TIMM9: variants seen among roughly 807,000 people sequenced by gnomAD.
The protein encoded by TIMM9 is translocase of inner mitochondrial membrane 9.
In TIMM9, 10 loss-of-function variants were observed where a neutral mutation model predicts 13.4. The observed-to-expected ratio is 0.75, with a 90% confidence interval of 0.46 to 1.26. The LOEUF is 1.26. Among genes scored for constraint, TIMM9 ranks in the 50% most tolerant of loss-of-function variants. TIMM9 has a pLI of 0.00. For synonymous variants in TIMM9, 32 were observed against 32.1 expected (o/e 1.00, Z 0.01); for missense variants, 87 against 100.8 (o/e 0.86, Z 0.58).
At chr14:58,422,679 A>T (rs1186189579) in intron 3 of TIMM9, among the ~76,000 whole-genome samples, 1 of 152,200 alleles carries the variant, frequency 6.6e-6, no homozygotes, top group Non-Finnish European at 1.5e-5. Flanking sequence ...AAAGTAATAT[A>T]TTTATTGAGA....
At chr14:58,411,871 T>C in intron 4 of TIMM9, 36 bp downstream of exon 4, 1 of 1,606,954 alleles carries the variant, frequency 6.2e-7, no homozygotes, top group Non-Finnish European at 8.5e-7. Flanking sequence ...TTACATTTTT[T>C]TGCAAAATCT....
chr14:58,408,703 C>A lies in TIMM9; in HGVS notation c.*331G>T. 2 of 905,520 alleles carry A rather than the reference C, an allele frequency of 2.2e-6. No homozygotes were observed. Among genetic ancestry groups the A allele is most frequent in the Non-Finnish European group, 3.3e-6 (2 of 607,468 alleles). The allele number at this position is 905,520 out of a possible 1,614,324, so 56.1% of individuals were successfully genotyped here. On this transcript the variant is annotated 3_prime_UTR_variant, in exon 6 of 6. Transcript: ENST00000395159. The stretch of plus-strand genomic sequence containing the variant: ...GTAATAAAAATTTTTCTATCTCATA[C>A]ATGATCGAACACATAAGTTGCTTTA...
chr14:58,422,677 ATATT>A (rs1566754488), intron 3 of TIMM9, among the ~76,000 whole-genome samples: 1 of 152,204 alleles, frequency 6.6e-6, no homozygotes, highest in Admixed American at 6.5e-5. Context: ...TAAAAGTAAT[ATATT>A]TATTGAGAAT....
intron 3 of TIMM9, among the ~76,000 whole-genome samples, chr14:58,418,501 G>GA (rs1372784406): frequency 6.6e-6 from 1 of 151,972 alleles, no homozygotes; most frequent in Non-Finnish European, 1.5e-5. Context: ...GATTGTAAAA[G>GA]AAAAAACAAA....
intron 3 of TIMM9, among the ~76,000 whole-genome samples, chr14:58,417,372 G>A (rs2036445729): frequency 6.6e-6 from 1 of 151,652 alleles, no homozygotes; most frequent in African/African-American, 2.4e-5. Flanking sequence ...TGGGCATGGT[G>A]GCATGTCCTA....
intron 3 of TIMM9, among the ~76,000 whole-genome samples, chr14:58,420,793 C>CAAAAAAAAAAAAAAAAAAAAAAAAACA: frequency 1.7e-5 from 1 of 57,506 alleles, no homozygotes; most frequent in Non-Finnish European, 3.4e-5. Flanking sequence ...AAATCCATCT[C>CAAAAAAAAAAAAAAAAAAAAAAAAACA]AAAAAAAAAA....
intron 3 of TIMM9, among the ~76,000 whole-genome samples, chr14:58,420,793 C>CAAAAA (rs71107945): frequency 5.2e-5 from 3 of 57,488 alleles, no homozygotes; most frequent in East Asian, 5.2e-4. Context: ...AAATCCATCT[C>CAAAAA]AAAAAAAAAA....
At chr14:58,426,675 A>G (rs1239222574) in intron 2 of TIMM9, among the ~76,000 whole-genome samples, 2 of 152,224 alleles carry the variant, frequency 1.3e-5, no homozygotes, top group Admixed American at 1.3e-4. Flanking sequence ...CTGGGAAATG[A>G]GCAGATCAGG....
At chr14:58,423,928 T>C (rs1180954115) in intron 3 of TIMM9, 80 bp downstream of exon 3, 1 of 152,206 alleles carries the variant, frequency 6.6e-6, no homozygotes, top group Non-Finnish European at 1.5e-5. Context: ...GATGCTGTTA[T>C]TCTTGTGGCA....
chr14:58,419,196 G>A (rs1407629832), intron 3 of TIMM9, among the ~76,000 whole-genome samples: 1 of 152,078 alleles, frequency 6.6e-6, no homozygotes, highest in Non-Finnish European at 1.5e-5. Flanking sequence ...GCTCACACCT[G>A]TAATCCCAGC....
rs2036119037 is a variant in TIMM9 at position 58,408,963 on chromosome 14, A to G, written c.*71T>C. The G allele has an allele frequency of 6.4e-7, 1 of 1,558,184 alleles. No individual in the cohort carries two copies. The highest frequency in any genetic ancestry group is 1.2e-5 in the South Asian group (1 of 81,274). On this transcript the variant is annotated 3_prime_UTR_variant, in exon 6 of 6. Transcript: ENST00000395159. ...GCTACTGCTTTCAGGGGATTCTATC[A>G]GATGAGTCCTCATTTCCAATAAAGC... is the stretch of plus-strand genomic sequence containing the variant.
intron 3 of TIMM9, among the ~76,000 whole-genome samples, chr14:58,412,435 C>T (rs899050939): frequency 3.3e-5 from 5 of 152,302 alleles, no homozygotes; most frequent in Non-Finnish European, 5.9e-5. Context: ...CCGCCGTGCC[C>T]GGCCAGAGAA....
chr14:58,419,450 G>GAC (rs1795507490), intron 3 of TIMM9, among the ~76,000 whole-genome samples: 1 of 68,500 alleles, frequency 1.5e-5, no homozygotes, highest in Admixed American at 1.6e-4. Flanking sequence ...GTGAGACCCC[G>GAC]TCACACACAC....
chr14:58,418,979 A>C (rs1002229248), intron 3 of TIMM9, among the ~76,000 whole-genome samples: 1 of 152,162 alleles, frequency 6.6e-6, no homozygotes, highest in African/African-American at 2.4e-5. Context: ...TTTATATAAA[A>C]AGCAAAGGGA....
At chr14:58,417,081 G>A (rs2036434725) in intron 3 of TIMM9, among the ~76,000 whole-genome samples, 1 of 152,104 alleles carries the variant, frequency 6.6e-6, no homozygotes, top group Admixed American at 6.6e-5. Flanking sequence ...TTATCAAGAG[G>A]AGATCCCCTA....
At chr14:58,411,214 G>A (rs767865505) in intron 4 of TIMM9, among the ~76,000 whole-genome samples, 6 of 152,122 alleles carry the variant, frequency 3.9e-5, no homozygotes, top group African/African-American at 1.4e-4. Context: ...TTGGGAGGCC[G>A]AGGTGGGCGG....
At chr14:58,412,800 C>T (rs2036263659) in intron 3 of TIMM9, among the ~76,000 whole-genome samples, 3 of 152,026 alleles carry the variant, frequency 2.0e-5, no homozygotes. Flanking sequence ...ACTTGGGAAG[C>T]TGAGGCAGGA....
At chr14:58,415,432 T>C (rs933258808) in intron 3 of TIMM9, among the ~76,000 whole-genome samples, 1 of 152,168 alleles carries the variant, frequency 6.6e-6, no homozygotes, top group African/African-American at 2.4e-5. Context: ...GATTTTTAAA[T>C]AGCACCTTGT....
chr14:58,421,278 A>T (rs1443788924), intron 3 of TIMM9, among the ~76,000 whole-genome samples: 3 of 152,270 alleles, frequency 2.0e-5, no homozygotes, highest in Non-Finnish European at 4.4e-5. Flanking sequence ...CCACTTATAC[A>T]ACATTCTTGA....
Sources: gnomAD v4.1 joint callset for allele counts (sites outside exome capture counted in the v4.1 genomes callset) on GRCh38, gnomAD v4.1.1 for gene constraint, MANE v1.5 for transcripts, NCBI Gene and HGNC (gene_info 2026-07-23, HGNC 2026-07-21) for gene names.